Variants in TMEM232 observed in about 807,000 individuals in gnomAD.
TMEM232 encodes the protein transmembrane protein 232.
In TMEM232, 80 loss-of-function variants were observed where a neutral mutation model predicts 78.8. The observed-to-expected ratio is 1.01, with a 90% CI of 0.85 to 1.22. The LOEUF (loss-of-function observed/expected upper bound fraction) is 1.22. TMEM232 is among the 50% of genes most tolerant of loss of function. TMEM232 has a pLI of 0.00. For synonymous variants in TMEM232, 297 were observed against 254.3 expected (o/e 1.17, Z -1.60); for missense variants, 881 against 742.2 (o/e 1.19, Z -2.17).
Position 110,621,519 on chromosome 5 carries a change from G to A in TMEM232, c.769-2957C>T, listed in dbSNP as rs531761972. 1.4e-4 allele frequency among the ~76,000 whole-genome samples: 22 copies of A among 152,118 alleles called. No homozygotes were observed. In the South Asian group the frequency reaches 4.4e-3, roughly 30 times the overall value. ...GTGTTTTTTGGTCTTTTCTATTTTAGTTTTCAGTAATTTGTCGTCATTATT... is the reference window on the plus strand; with the variant it reads ...GTGTTTTTTGGTCTTTTCTATTTTAATTTTCAGTAATTTGTCGTCATTATT... On this transcript the variant is annotated intron_variant, in intron 7 of 13. Transcript: ENST00000455884.
chr5:110,736,114 C>A (rs936500219), intron 1 of TMEM232, among the ~76,000 whole-genome samples: 2 of 152,176 alleles, frequency 1.3e-5, no homozygotes, highest in Admixed American at 6.5e-5. Flanking sequence ...TCATAAAATG[C>A]ATTGGCCACT....
Position 110,487,283 on chromosome 5 carries a change from G to A in TMEM232, c.1703+41305C>T, listed in dbSNP as rs188724314. Among the ~76,000 whole-genome samples, 951 of 152,050 alleles carry A rather than the reference G, an allele frequency of 6.3e-3. 6 individuals are homozygous for A. Among genetic ancestry groups the A allele is most frequent in the Middle Eastern group, 0.024 (7 of 294 alleles). On this transcript the variant is annotated intron_variant, in intron 12 of 13. Coordinates refer to ENST00000455884, the MANE Select transcript of TMEM232 (RefSeq NM_001039763.4). ...AGTGACAGTTTGACTTCCTGTTTAG[G>A]ATTTGGATGCCCTTTATTTCTTTCT...
At chr5:110,696,782 G>A (rs1794839802) in intron 1 of TMEM232, among the ~76,000 whole-genome samples, 1 of 48,444 alleles carries the variant, frequency 2.1e-5, no homozygotes, top group African/African-American at 5.4e-5. Context: ...ACAAACCACT[G>A]CTCAATGAAA....
chr5:110,706,718 TC>T (rs1795965973), intron 1 of TMEM232, among the ~76,000 whole-genome samples: 1 of 152,100 alleles, frequency 6.6e-6, no homozygotes, highest in African/African-American at 2.4e-5. Flanking sequence ...ATGCAACACA[TC>T]ATCACATCTC....
At chr5:110,518,514 G>C (rs1243613749) in intron 12 of TMEM232, among the ~76,000 whole-genome samples, 4 of 151,868 alleles carry the variant, frequency 2.6e-5, no homozygotes, top group African/African-American at 9.7e-5. Flanking sequence ...ATACACTAAA[G>C]TATTTTTGCA....
intron 12 of TMEM232, among the ~76,000 whole-genome samples, chr5:110,510,090 C>T (rs1260380105): frequency 6.6e-6 from 1 of 152,162 alleles, no homozygotes; most frequent in Non-Finnish European, 1.5e-5. Flanking sequence ...GCCTGTTTCT[C>T]ATGTTACTGT....
chr5:110,432,820 G>A (rs555747522), intron 12 of TMEM232, among the ~76,000 whole-genome samples: 3 of 151,672 alleles, frequency 2.0e-5, no homozygotes, highest in African/African-American at 7.2e-5. Context: ...AAAACAAAAA[G>A]GAGGAAGAGC....
At chr5:110,538,908 G>A (rs1288169436) in intron 11 of TMEM232, among the ~76,000 whole-genome samples, 1 of 152,104 alleles carries the variant, frequency 6.6e-6, no homozygotes, top group Admixed American at 6.5e-5. Context: ...GGAATGGAAG[G>A]AAAGCCGCAA....
chr5:110,669,600 A>C (rs1252775439), intron 1 of TMEM232, among the ~76,000 whole-genome samples: 1 of 152,198 alleles, frequency 6.6e-6, no homozygotes, highest in African/African-American at 2.4e-5. Context: ...AAATCAATAG[A>C]AAAAGAGGGA....
chr5:110,717,248 A>G (rs1797104972), intron 1 of TMEM232, among the ~76,000 whole-genome samples: 1 of 151,372 alleles, frequency 6.6e-6, no homozygotes, highest in African/African-American at 2.4e-5. Context: ...ATGAAATTTT[A>G]TATTCTATTA....
chr5:110,422,870 G>C (rs1756821620), intron 13 of TMEM232, among the ~76,000 whole-genome samples: 1 of 151,990 alleles, frequency 6.6e-6, no homozygotes, highest in Non-Finnish European at 1.5e-5. Flanking sequence ...CATTATTATT[G>C]TCTATTGTGG....
At chr5:110,575,630 C>T (rs1305354032) in intron 10 of TMEM232, among the ~76,000 whole-genome samples, 1 of 151,912 alleles carries the variant, frequency 6.6e-6, no homozygotes, top group Admixed American at 6.6e-5. Flanking sequence ...ACAGTTGAGA[C>T]TAATCAAAAA....
chr5:110,461,881 T>G (rs1761572212), intron 12 of TMEM232, among the ~76,000 whole-genome samples: 1 of 152,138 alleles, frequency 6.6e-6, no homozygotes, highest in Admixed American at 6.5e-5. Context: ...TAGGAACTAC[T>G]GTTCCTAAAA....
At chr5:110,409,705 T>C (rs1187338091) in intron 2 of TMEM232, among the ~76,000 whole-genome samples, 1 of 152,152 alleles carries the variant, frequency 6.6e-6, no homozygotes, top group Non-Finnish European at 1.5e-5. Context: ...ATATTCTTTT[T>C]TTTTTCAGGG....
intron 12 of TMEM232, among the ~76,000 whole-genome samples, chr5:110,479,826 C>A (rs550136854): frequency 6.6e-6 from 1 of 151,866 alleles, no homozygotes; most frequent in African/African-American, 2.4e-5. Context: ...ATTGATGTAT[C>A]CCCAAATCCA....
intron 2 of TMEM232, among the ~76,000 whole-genome samples, chr5:110,656,407 T>G (rs80143654): frequency 1.1e-4 from 16 of 151,710 alleles, no homozygotes; most frequent in Non-Finnish European, 2.1e-4. Flanking sequence ...CTTATGTTAA[T>G]TTTTTTTTGT....
At chr5:110,586,548 A>C (rs939493511) in intron 10 of TMEM232, among the ~76,000 whole-genome samples, 7 of 149,696 alleles carry the variant, frequency 4.7e-5, no homozygotes, top group African/African-American at 1.7e-4. Flanking sequence ...CATAGAAGGC[A>C]TATTTCCATA....
chr5:110,521,867 T>C (rs557500788), intron 12 of TMEM232, among the ~76,000 whole-genome samples: 1 of 152,220 alleles, frequency 6.6e-6, no homozygotes, highest in African/African-American at 2.4e-5. Context: ...GGTAGCTTTG[T>C]AATGTATTTT....
intron 1 of TMEM232, among the ~76,000 whole-genome samples, chr5:110,719,592 C>G (rs1016832466): frequency 2.6e-5 from 4 of 151,894 alleles, no homozygotes; most frequent in African/African-American, 9.7e-5. Flanking sequence ...TGTAGCAATT[C>G]TGGGTACAGA....
Sources: gnomAD v4.1 joint callset for allele counts (sites outside exome capture counted in the v4.1 genomes callset) on GRCh38, gnomAD v4.1.1 for gene constraint, MANE v1.5 for transcripts, NCBI Gene and HGNC (gene_info 2026-07-23, HGNC 2026-07-21) for gene names.